Variants in MEGF8 observed in about 807,000 individuals in gnomAD.
MEGF8 encodes the protein multiple epidermal growth factor-like domains protein 8.
Under a neutral mutation model 302.9 loss-of-function variants are expected in MEGF8, and 156 were observed. The ratio of observed to expected loss-of-function variants is 0.52; its 90% CI spans 0.45 to 0.59. The LOEUF (loss-of-function observed/expected upper bound fraction) is 0.59, where lower values mean the gene tolerates loss of function less well. MEGF8 is among the 20% of genes least tolerant of loss of function. The pLI, the probability that MEGF8 is intolerant of heterozygous loss-of-function variation, is 0.00. For synonymous variants in MEGF8, 1,621 were observed against 1,660.5 expected (o/e 0.98, Z 0.58); for missense variants, 3,345 against 3,964.5 (o/e 0.84, Z 4.20).
Position 42,353,576 on chromosome 19 carries a change from G to T in MEGF8, c.3662G>T (p.Arg1221Leu), listed in dbSNP as rs375618779. The change falls in exon 21 of 42, where the codon CGT (arginine) becomes CTT (leucine). Residue 1221 changes from arginine to leucine, a missense_variant. Transcript: ENST00000251268. The surrounding 1 kb of genome is among the most constrained non-coding windows in gnomAD (Gnocchi z 6.1). ...CQCNGHGDPR[R>L]GHCDNLSGLC... Reference sequence around the variant, plus strand: ...TGCAACGGGCACGGGGACCCACGCCGTGGCCACTGCGACAACCTCAGTGGG... The same window carrying T: ...TGCAACGGGCACGGGGACCCACGCCTTGGCCACTGCGACAACCTCAGTGGG... The T allele has an allele frequency of 6.3e-7, 1 of 1,599,358 alleles. No homozygotes were observed. Among genetic ancestry groups the T allele is most frequent in the Non-Finnish European group, 8.5e-7 (1 of 1,173,400 alleles).
rs139859934 is a variant in MEGF8 at position 42,358,868 on chromosome 19, C to T, written c.5257C>T (p.Arg1753Trp). The change falls in exon 30 of 42, where the codon CGG (arginine) becomes TGG (tryptophan). Residue 1753 changes from arginine to tryptophan, a missense_variant. Arg to Trp is a moderately radical substitution (Grantham distance 101). Coordinates refer to ENST00000251268, the MANE Select transcript of MEGF8 (RefSeq NM_001271938.2). This position sits in a 1 kb window ranked among gnomAD's most constrained non-coding sequence, Gnocchi z 4.4. The part of the protein sequence containing the change: ...PGEQPGSWGF[R>W]EVRKKMALWA... ...GGAGCAGCCTGGGTCATGGGGGTTCCGGGAAGTCAGGAAGAAGATGGCTCT... is the reference window on the plus strand; with the variant it reads ...GGAGCAGCCTGGGTCATGGGGGTTCTGGGAAGTCAGGAAGAAGATGGCTCT... The T allele has an allele frequency of 7.9e-5, 127 of 1,609,984 alleles. 1 individual carries two copies. The East Asian group carries it at 1.3e-3, about 16-fold the overall frequency.
At position 42,352,106 on chromosome 19, in the gene MEGF8, A is replaced by T; in HGVS notation, c.3102-102A>T. 1 of 1,346,668 alleles carries T rather than the reference A, an allele frequency of 7.4e-7. No individual in the cohort carries two copies. Among genetic ancestry groups the T allele is most frequent in the Non-Finnish European group, 9.9e-7 (1 of 1,010,340 alleles). 83.4% of individuals were successfully genotyped at this position (1,346,668 alleles called of 1,614,324 possible). A position where few individuals can be genotyped will look rare whatever the true frequency, so the allele number is the denominator to read the frequency against. On this transcript the variant is annotated intron_variant, in intron 18 of 41. Transcript: ENST00000251268. This position sits in a 1 kb window ranked among gnomAD's most constrained non-coding sequence, Gnocchi z 4.4. Reference sequence around the variant, plus strand: ...TCTCTCTTTCCAAATTTGTATTTGCATCCCTCTCCTTCCAATTGGCCTCCT... The same window carrying T: ...TCTCTCTTTCCAAATTTGTATTTGCTTCCCTCTCCTTCCAATTGGCCTCCT...
chr19:42,357,703 C>A lies in MEGF8; in HGVS notation c.5011+119C>A. 1 of 924,834 alleles carries A rather than the reference C, an allele frequency of 1.1e-6. No individual in the cohort carries two copies. Among genetic ancestry groups the A allele is most frequent in the Non-Finnish European group, 1.6e-6 (1 of 628,646 alleles). The allele number at this position is 924,834 out of a possible 1,614,324, so 57.3% of individuals were successfully genotyped here. A position where few individuals can be genotyped will look rare whatever the true frequency, so the allele number is the denominator to read the frequency against. The stretch of plus-strand genomic sequence containing the variant: ...CACCTGTCTCCCTCTCTTTCCCATC[C>A]CCATGCAGATTCTCAGGGCACCCTC... On this transcript the variant is annotated intron_variant, in intron 28 of 41. Transcript: ENST00000251268. The surrounding 1 kb of genome is among the most constrained non-coding windows in gnomAD (Gnocchi z 5.2).
In MEGF8 at chr19:42,376,277, G is replaced by A. The variant is rs1265523477; in HGVS notation, c.8040G>A (p.Gln2680=). The change falls in exon 42 of 42, where the codon CAG becomes CAA. Residue 2680 remains glutamine (Q), a synonymous_variant. Coordinates refer to ENST00000251268, the MANE Select transcript of MEGF8 (RefSeq NM_001271938.2). This position sits in a 1 kb window ranked among gnomAD's most constrained non-coding sequence, Gnocchi z 8.2. The part of the protein sequence containing the change: ...WKAKQALDQR[Q]EQRRHLQEMT... The stretch of plus-strand genomic sequence containing the variant: ...CCAAGCAGGCTCTGGACCAGCGGCA[G>A]GAGCAGCGCCGGCACTTGCAGGAGA... The A allele has an allele frequency of 3.7e-6, 6 of 1,611,416 alleles. No homozygotes were observed. Among genetic ancestry groups the A allele is most frequent in the Non-Finnish European group, 5.1e-6 (6 of 1,179,244 alleles).
chr19:42,330,818 G>T (rs1396818423), intron 1 of MEGF8, among the ~76,000 whole-genome samples: 4 of 152,136 alleles, frequency 2.6e-5, no homozygotes, highest in Non-Finnish European at 5.9e-5. Context: ...CCCAGCTAGG[G>T]GGCATCAGGA....
Position 42,353,087 on chromosome 19 carries a change from C to T in MEGF8, c.3510C>T (p.His1170=), listed in dbSNP as rs1313968044. 6.5e-7 allele frequency: 1 copy of T among 1,549,270 alleles called. No individual in the cohort carries two copies. Among genetic ancestry groups the T allele is most frequent in the Non-Finnish European group, 8.7e-7 (1 of 1,146,660 alleles). The change falls in exon 20 of 42, where the codon CAC becomes CAT. Residue 1170 remains histidine (H), a synonymous_variant. Coordinates refer to ENST00000251268, the MANE Select transcript of MEGF8 (RefSeq NM_001271938.2). The surrounding 1 kb of genome is among the most constrained non-coding windows in gnomAD (Gnocchi z 6.1). ...ACTGTGGCTGCAGCTTCCACAGCCA[C>T]TGCCGCAAGCGGGGCCCTGGCTTCT... ...SRDCGCSFHS[H]CRKRGPGFCD...
chr19:42,378,323 A>C lies in MEGF8; in HGVS notation c.*1548A>C, dbSNP rs561849817. On this transcript the variant is annotated 3_prime_UTR_variant, in exon 42 of 42. Coordinates refer to ENST00000251268, the MANE Select transcript of MEGF8 (RefSeq NM_001271938.2). Reference sequence around the variant, plus strand: ...CAGGGTCACACAGCAAAGCTGGAACAACAGAGGCGTGTTGTGGGGGAGCCT... The same window carrying C: ...CAGGGTCACACAGCAAAGCTGGAACCACAGAGGCGTGTTGTGGGGGAGCCT... The C allele has an allele frequency of 2.0e-5, 3 of 153,306 alleles. No individual in the cohort carries two copies. In the East Asian group the frequency reaches 5.8e-4, roughly 30 times the overall value. The allele number at this position is 153,306 out of a possible 1,614,324, so 9.5% of individuals were successfully genotyped here. A position where few individuals can be genotyped will look rare whatever the true frequency, so the allele number is the denominator to read the frequency against.
chr19:42,362,311 C>T, intron 33 of MEGF8, 73 bp from the exon 34 acceptor site: 1 of 1,610,456 alleles, frequency 6.2e-7, no homozygotes, highest in Admixed American at 1.7e-5. Flanking sequence ...CCCAGGGTCT[C>T]AGGAACCACC....
rs945146083 is a variant in MEGF8, at chr19:42,359,079, C to T, written c.5344-19C>T. 2.0e-6 allele frequency: 3 copies of T among 1,495,672 alleles called. No homozygotes were observed. Among genetic ancestry groups the T allele is most frequent in the Non-Finnish European group, 9.0e-7 (1 of 1,115,334 alleles). The allele number at this position is 1,495,672 out of a possible 1,614,324, so 92.7% of individuals were successfully genotyped here. On this transcript the variant is annotated intron_variant, in intron 30 of 41. Coordinates refer to ENST00000251268, the MANE Select transcript of MEGF8 (RefSeq NM_001271938.2). ...TCTGACAGGCTGTCCTGTCCCCCCACCCCCCGTCTCCCCAACAGCCCCGCC... is the reference window on the plus strand; with the variant it reads ...TCTGACAGGCTGTCCTGTCCCCCCATCCCCCGTCTCCCCAACAGCCCCGCC...
intron 3 of MEGF8, 123 bp from the exon 4 acceptor site, chr19:42,334,912 C>G: frequency 1.1e-6 from 1 of 944,042 alleles, no homozygotes; most frequent in Non-Finnish European, 1.5e-6. Context: ...CTGTCTGTCT[C>G]TTTCTCTCTC....
In MEGF8 at chr19:42,362,200, C is replaced by T. The variant is rs2039541727; in HGVS notation, c.5831C>T (p.Pro1944Leu). The change falls in exon 33 of 42, where the codon CCT (proline) becomes CTT (leucine). Residue 1944 changes from proline (P) to leucine (L), a missense_variant. Physicochemically the swap from Pro to Leu is moderately conservative, Grantham distance 98 (BLOSUM62 -3). Transcript: ENST00000251268. Reference protein sequence around the residue: ...CLARHPRTLQPGDGEASTPRC... With the variant: ...CLARHPRTLQLGDGEASTPRC... ...GCCCGCCATCCTCGGACCCTGCAAC[C>T]TGGAGATGGAGAGGTGAGTGGTGGG... 4.3e-6 allele frequency: 7 copies of T among 1,611,070 alleles called. No individual in the cohort carries two copies. The highest frequency in any genetic ancestry group is 5.9e-6 in the Non-Finnish European group (7 of 1,179,298).
Position 42,344,774 on chromosome 19 carries a change from C to T in MEGF8, c.2038C>T (p.Leu680=). Reference sequence around the variant, plus strand: ...GGAGGCCTGCGTCACCCAGAGCTTCCTGCCTGGCCTGCACTTGCTCACCTT... The same window carrying T: ...GGAGGCCTGCGTCACCCAGAGCTTCTTGCCTGGCCTGCACTTGCTCACCTT... The part of the protein sequence containing the change: ...SLEACVTQSF[L]PGLHLLTFQQ... Residue 680 remains leucine (L), a synonymous_variant, in exon 12 of 42, where the codon CTG becomes TTG. Coordinates refer to ENST00000251268, the MANE Select transcript of MEGF8 (RefSeq NM_001271938.2). This position sits in a 1 kb window ranked among gnomAD's most constrained non-coding sequence, Gnocchi z 4.5. The T allele has an allele frequency of 6.2e-7, 1 of 1,611,550 alleles. No individual in the cohort carries two copies. The highest frequency in any genetic ancestry group is 8.5e-7 in the Non-Finnish European group (1 of 1,178,486).
rs1339534836 is a variant in MEGF8, at chr19:42,336,287, G to A, written c.1185G>A (p.Val395=). The change falls in exon 6 of 42, where the codon GTG becomes GTA. Residue 395 remains valine (V), a synonymous_variant. Transcript: ENST00000251268. This position sits in a 1 kb window ranked among gnomAD's most constrained non-coding sequence, Gnocchi z 4.8. ...CTGCTGCCACTGGCCACTCCATGGT[G>A]TTCCATGCCCCCTCCCGTGCCCTGC... ...RPPAATGHSM[V]FHAPSRALLV... is the part of the protein sequence containing the mutation. 6.2e-7 allele frequency: 1 copy of A among 1,608,292 alleles called. No individual in the cohort carries two copies. Among genetic ancestry groups the A allele is most frequent in the Non-Finnish European group, 8.5e-7 (1 of 1,179,732 alleles).
Position 42,326,136 on chromosome 19 carries a change from A to G in MEGF8, c.-108A>G. 5.1e-6 allele frequency: 7 copies of G among 1,373,112 alleles called. No individual in the cohort carries two copies. The highest frequency in any genetic ancestry group is 6.6e-6 in the Non-Finnish European group (7 of 1,064,616). 85.1% of individuals were successfully genotyped at this position (1,373,112 alleles called of 1,614,324 possible). A position where few individuals can be genotyped will look rare whatever the true frequency, so the allele number is the denominator to read the frequency against. ...CGGGACCTCTTCGATCTACAAGGTC[A>G]TGTTATGCCTATAGAGGTCGCATTT... On this transcript the variant is annotated 5_prime_UTR_variant, in exon 1 of 42. An upstream start codon of the reference 5' UTR is lost. Transcript: ENST00000251268.
At position 42,344,297 on chromosome 19, in the gene MEGF8, C is replaced by G. The variant is rs1397092261; in HGVS notation, c.1789-144C>G. ...ACCCCATCCCCGCATCCCCCGTCCT[C>G]TGGATCTCCCACATTCCAAGTCAAC... On this transcript the variant is annotated intron_variant, in intron 10 of 41. Transcript: ENST00000251268. The surrounding 1 kb of genome is among the most constrained non-coding windows in gnomAD (Gnocchi z 4.5). 2 of 1,220,722 alleles carry G rather than the reference C, an allele frequency of 1.6e-6. No homozygotes were observed. The highest frequency in any genetic ancestry group is 1.5e-5 in the African/African-American group (1 of 65,574). The allele number at this position is 1,220,722 out of a possible 1,614,324, so 75.6% of individuals were successfully genotyped here. A position where few individuals can be genotyped will look rare whatever the true frequency, so the allele number is the denominator to read the frequency against.
rs111536758 is a variant in MEGF8 at position 42,326,085 on chromosome 19, A to T, written c.-159A>T. On this transcript the variant is annotated 5_prime_UTR_variant, in exon 1 of 42. Coordinates refer to ENST00000251268, the MANE Select transcript of MEGF8 (RefSeq NM_001271938.2). The stretch of plus-strand genomic sequence containing the variant: ...TCCAGAGCCTGTCAGCAGTGGCCGT[A>T]CCCTTCGCCGGGACTGCCGGGTCTC... 5,137 of 1,224,890 alleles carry T rather than the reference A, an allele frequency of 4.2e-3. 162 individuals are homozygous for T. In the African/African-American group the frequency reaches 0.066, roughly 16 times the overall value. 75.9% of individuals were successfully genotyped at this position (1,224,890 alleles called of 1,614,324 possible).
chr19:42,372,199 C>T (rs2039703691), intron 41 of MEGF8, among the ~76,000 whole-genome samples: 1 of 152,186 alleles, frequency 6.6e-6, no homozygotes, highest in Non-Finnish European at 1.5e-5. Context: ...CATCAGAAGT[C>T]TCTCTGCATC....
Position 42,368,537 on chromosome 19 carries a change from T to G in MEGF8, c.6356T>G (p.Leu2119Arg). 1 of 1,604,788 alleles carries G rather than the reference T, an allele frequency of 6.2e-7. No homozygotes were observed. Among genetic ancestry groups the G allele is most frequent in the Non-Finnish European group, 8.5e-7 (1 of 1,176,444 alleles). The change falls in exon 36 of 42, where the codon CTG (leucine) becomes CGG (arginine). Residue 2119 changes from leucine to arginine, a missense_variant. Coordinates refer to ENST00000251268, the MANE Select transcript of MEGF8 (RefSeq NM_001271938.2). This position sits in a 1 kb window ranked among gnomAD's most constrained non-coding sequence, Gnocchi z 4.9. Reference protein sequence around the residue: ...RLLRGPESCSLGCAQATQCAL... With the variant: ...RLLRGPESCSRGCAQATQCAL... ...CTCCGGGGACCTGAGAGCTGCTCCC[T>G]GGGCTGTGCTCAGGCAACTCAGTGC...
rs1187296330 is a variant in MEGF8, at chr19:42,360,922, T to C, written c.5636T>C (p.Leu1879Pro). 5 of 1,612,184 alleles carry C rather than the reference T, an allele frequency of 3.1e-6. No individual in the cohort carries two copies. The highest frequency in any genetic ancestry group is 4.2e-6 in the Non-Finnish European group (5 of 1,179,004). Residue 1879 changes from leucine (L) to proline (P), a missense_variant, in exon 32 of 42, where the codon CTG becomes CCG. Physicochemically the swap from Leu to Pro is moderately conservative, Grantham distance 98. Coordinates refer to ENST00000251268, the MANE Select transcript of MEGF8 (RefSeq NM_001271938.2). Reference sequence around the variant, plus strand: ...ACCCTGCCCCCTGACCCCTGCCGCCTGCTGTCCTCACCTGAAGCTTGTAAC... The same window carrying C: ...ACCCTGCCCCCTGACCCCTGCCGCCCGCTGTCCTCACCTGAAGCTTGTAAC... Reference protein sequence around the residue: ...ALTLPPDPCRLLSSPEACNQS... With the variant: ...ALTLPPDPCRPLSSPEACNQS...
Sources: gnomAD v4.1 joint callset for allele counts (sites outside exome capture counted in the v4.1 genomes callset) on GRCh38, gnomAD v4.1.1 for gene constraint, Gnocchi (gnomAD v3.1) non-coding constraint, MANE v1.5 for transcripts, NCBI Gene and HGNC (gene_info 2026-07-23, HGNC 2026-07-21) for gene names.